Variants in ISCA1 observed in about 807,000 individuals in gnomAD.
The protein encoded by ISCA1 is iron-sulfur cluster assembly 1 homolog, mitochondrial.
A neutral mutation model predicts 14.7 loss-of-function variants in ISCA1; 9 were observed. That is an observed-to-expected ratio of 0.61 (90% CI 0.37 to 1.07). The LOEUF (loss-of-function observed/expected upper bound fraction) is 1.07, where lower values mean the gene tolerates loss of function less well. Ranked by LOEUF, ISCA1 falls within the 50% of genes least tolerant of loss-of-function variation. The pLI, the probability that ISCA1 is intolerant of heterozygous loss-of-function variation, is 0.01. For missense variants in ISCA1, 102 were observed against 150.1 expected (o/e 0.68, Z 1.67); for synonymous variants, 38 against 54.3 (o/e 0.70, Z 1.32).
chr9:86,275,988 C>T (rs923092999), intron 1 of ISCA1, among the ~76,000 whole-genome samples: 2 of 152,096 alleles, frequency 1.3e-5, no homozygotes, highest in Non-Finnish European at 2.9e-5. Context: ...AATTTTTCCA[C>T]GGATAAGGGG....
intron 1 of ISCA1, among the ~76,000 whole-genome samples, 168 bp from the exon 2 acceptor site, chr9:86,274,410 T>G (rs1353900602): frequency 6.6e-6 from 1 of 152,152 alleles, no homozygotes; most frequent in Non-Finnish European, 1.5e-5. Context: ...TATACCTAAT[T>G]CAAAATATCC....
intron 1 of ISCA1, 157 bp downstream of exon 1, chr9:86,282,221 G>T: frequency 2.7e-6 from 2 of 738,344 alleles, no homozygotes; most frequent in Non-Finnish European, 4.3e-6. Context: ...GGGGCCGGAG[G>T]CGAAGGAGGC....
rs927467290 is a variant in ISCA1 at position 86,267,547 on chromosome 9, G to A, written c.242-1356C>T. Reference sequence around the variant, plus strand: ...ATAGGTTTTAACAGATTATAGGGTGGAAGAAGGGGGCAGCAGCAAATATAA... The same window carrying A: ...ATAGGTTTTAACAGATTATAGGGTGAAAGAAGGGGGCAGCAGCAAATATAA... On this transcript the variant is annotated intron_variant, in intron 3 of 3. Coordinates refer to ENST00000375991, the MANE Select transcript of ISCA1 (RefSeq NM_030940.4). 80 of 957,000 alleles carry A rather than the reference G, an allele frequency of 8.4e-5. No individual in the cohort carries two copies. In the African/African-American group the frequency reaches 1.4e-3, roughly 16 times the overall value. The allele number at this position is 957,000 out of a possible 1,614,324, so 59.3% of individuals were successfully genotyped here.
chr9:86,272,193 C>T, intron 2 of ISCA1, 81 bp from the exon 3 acceptor site: 1 of 844,992 alleles, frequency 1.2e-6, no homozygotes, highest in South Asian at 1.4e-5. Flanking sequence ...ACAGTAGCCT[C>T]CTCGTACCAA....
intron 1 of ISCA1, among the ~76,000 whole-genome samples, chr9:86,280,594 C>CAG (rs765329285): frequency 3.1e-5 from 3 of 97,882 alleles, no homozygotes; most frequent in South Asian, 3.5e-4. Flanking sequence ...AACCCTGTCT[C>CAG]AAAAAAAAAA....
chr9:86,282,507 C>T lies in ISCA1; in HGVS notation c.-49G>A, dbSNP rs749800469. On this transcript the variant is annotated 5_prime_UTR_variant, in exon 1 of 4. An upstream open reading frame in the 5' UTR loses its in-frame stop. Coordinates refer to ENST00000375991, the MANE Select transcript of ISCA1 (RefSeq NM_030940.4). ...GCCTCGGGCCGAAGGTCGGCCGCCT[C>T]AGCTTCTCTCCATGGACACGGCGGG... 6.5e-7 allele frequency: 1 copy of T among 1,549,708 alleles called. No homozygotes were observed. The highest frequency in any genetic ancestry group is 2.0e-5 in the Admixed American group (1 of 50,982).
intron 2 of ISCA1, 75 bp from the exon 3 acceptor site, chr9:86,272,187 T>A: frequency 1.1e-6 from 1 of 897,396 alleles, no homozygotes; most frequent in Non-Finnish European, 1.8e-6. Context: ...AAAGTGACAG[T>A]AGCCTCCTCG....
chr9:86,277,233 C>G (rs142042626), intron 1 of ISCA1, among the ~76,000 whole-genome samples: 4 of 152,266 alleles, frequency 2.6e-5, no homozygotes, highest in Admixed American at 6.5e-5. Context: ...CTGAAGGACT[C>G]TTTAAGGGAA....
chr9:86,276,870 CAAA>C (rs35460722), intron 1 of ISCA1, among the ~76,000 whole-genome samples: 1 of 39,908 alleles, frequency 2.5e-5, no homozygotes, highest in Admixed American at 4.4e-4. Context: ...GACTCTGTCT[CAAA>C]AAAAAAAAAA....
chr9:86,268,939 C>A (rs981998268), intron 3 of ISCA1, among the ~76,000 whole-genome samples: 1 of 151,970 alleles, frequency 6.6e-6, no homozygotes, highest in East Asian at 1.9e-4. Flanking sequence ...GGACTACAGG[C>A]GTGTGCCACC....
At chr9:86,269,713 A>G (rs1825342232) in intron 3 of ISCA1, among the ~76,000 whole-genome samples, 1 of 152,114 alleles carries the variant, frequency 6.6e-6, no homozygotes, top group Admixed American at 6.5e-5. Flanking sequence ...TACAGTAACC[A>G]AAACAGCATG....
In ISCA1 at chr9:86,266,012, T is replaced by G; in HGVS notation, c.*31A>C. ...GCCCCAAAGCTTCCACGAGCTTTCC[T>G]GGAACCTACGGCCAGAAGAGTCCTG... On this transcript the variant is annotated 3_prime_UTR_variant, in exon 4 of 4. Coordinates refer to ENST00000375991, the MANE Select transcript of ISCA1 (RefSeq NM_030940.4). 1.9e-6 allele frequency: 3 copies of G among 1,611,942 alleles called. No individual in the cohort carries two copies. The highest frequency in any genetic ancestry group is 2.5e-6 in the Non-Finnish European group (3 of 1,179,808).
chr9:86,271,280 GTTTGTGTAAGTA>G (rs1266178835), intron 3 of ISCA1, among the ~76,000 whole-genome samples: 1 of 152,032 alleles, frequency 6.6e-6, no homozygotes, highest in Non-Finnish European at 1.5e-5. Flanking sequence ...TACCATCTAG[GTTTGTGTAAGTA>G]CACCCCAGGA....
chr9:86,274,637 G>A (rs895748425), intron 1 of ISCA1, among the ~76,000 whole-genome samples: 3 of 152,112 alleles, frequency 2.0e-5, no homozygotes, highest in African/African-American at 7.2e-5. Flanking sequence ...TCACTGGGAA[G>A]GCCAACCTTC....
At chr9:86,275,610 C>T (rs780084100) in intron 1 of ISCA1, among the ~76,000 whole-genome samples, 9 of 152,196 alleles carry the variant, frequency 5.9e-5, no homozygotes, top group Non-Finnish European at 8.8e-5. Flanking sequence ...CACTTAAAAA[C>T]GTGAATGTTG....
intron 1 of ISCA1, among the ~76,000 whole-genome samples, chr9:86,278,986 C>A (rs528203136): frequency 6.6e-6 from 1 of 152,166 alleles, no homozygotes; most frequent in Non-Finnish European, 1.5e-5. Flanking sequence ...CGTACTTAAC[C>A]GTTCTTTCAC....
intron 1 of ISCA1, among the ~76,000 whole-genome samples, chr9:86,280,990 A>G (rs905597443): frequency 2.0e-5 from 3 of 152,154 alleles, no homozygotes; most frequent in Non-Finnish European, 4.4e-5. Flanking sequence ...AACCCAGTTA[A>G]TAGGGTTGCT....
chr9:86,267,413 T>C (rs1825304118), intron 3 of ISCA1: 3 of 926,908 alleles, frequency 3.2e-6, no homozygotes, highest in Non-Finnish European at 3.9e-6. Flanking sequence ...GTTATAACTT[T>C]AGTTTAATAA....
chr9:86,280,485 A>T (rs1447769154), intron 1 of ISCA1, among the ~76,000 whole-genome samples: 1 of 151,414 alleles, frequency 6.6e-6, no homozygotes, highest in African/African-American at 2.4e-5. Context: ...AATCCCAGCT[A>T]CTCAGGAGGC....
Sources: allele counts gnomAD v4.1 joint callset (sites outside exome capture counted in the v4.1 genomes callset), GRCh38; gene constraint gnomAD v4.1.1; transcripts MANE v1.5; gene names NCBI Gene and HGNC (gene_info 2026-07-23, HGNC 2026-07-21).